The following CRTC3 variants were observed in gnomAD, a reference collection of about 807,000 sequenced individuals.
CRTC3 encodes the protein CREB regulated transcription coactivator 3, also known as CREB-regulated transcription coactivator 3.
A neutral mutation model predicts 74.5 loss-of-function variants in CRTC3; 26 were observed. The observed-to-expected ratio is 0.35, with a 90% CI of 0.26 to 0.48. CRTC3 has a LOEUF of 0.48. Ranked by LOEUF, CRTC3 falls within the 20% of genes least tolerant of loss-of-function variation. CRTC3 has a pLI of 0.99. For synonymous variants in CRTC3, 377 were observed against 325.8 expected (o/e 1.16, Z -1.69); for missense variants, 760 against 787.3 (o/e 0.97, Z 0.41).
intron 1 of CRTC3, chr15:90,539,656 G>A (rs1966772374): frequency 1.6e-5 from 4 of 250,534 alleles, no homozygotes; most frequent in African/African-American, 7.1e-5. Flanking sequence ...AAATGTAAAC[G>A]GAGGCTGGAA....
intron 11 of CRTC3, among the ~76,000 whole-genome samples, chr15:90,634,402 C>T (rs11073942): frequency 0.27 from 41,677 of 152,160 alleles, 7,182 homozygotes; most frequent in African/African-American, 0.5. Context: ...CGTGAGCCAG[C>T]ACGCCAGCCT....
intron 9 of CRTC3, among the ~76,000 whole-genome samples, chr15:90,622,973 T>G (rs1968704265): frequency 6.6e-6 from 1 of 152,142 alleles, no homozygotes; most frequent in Non-Finnish European, 1.5e-5. Context: ...TTTCCAAAAC[T>G]CCACAGTTCG....
At chr15:90,628,312 A>C (rs1383420455) in intron 10 of CRTC3, among the ~76,000 whole-genome samples, 1 of 152,086 alleles carries the variant, frequency 6.6e-6, no homozygotes, top group African/African-American at 2.4e-5. Flanking sequence ...CAAACACTTA[A>C]ATTTTTTGTC....
rs75873038 is a variant in CRTC3 at position 90,560,627 on chromosome 15, C to T, written c.231+20490C>T. On this transcript the variant is annotated intron_variant, in intron 2 of 14. Transcript: ENST00000268184. The stretch of plus-strand genomic sequence containing the variant: ...AAAACCTGGCAGGCTCTTCTGAAAT[C>T]GTGTGACTTCCTATCAGGCCACCAG... Among the ~76,000 whole-genome samples, 369 of 152,324 alleles carry T rather than the reference C, an allele frequency of 2.4e-3. 1 individual carries two copies. Among genetic ancestry groups the T allele is most frequent in the African/African-American group, 8.4e-3 (349 of 41,578 alleles).
chr15:90,634,594 T>C (rs1047802668), intron 11 of CRTC3: 8 of 441,080 alleles, frequency 1.8e-5, no homozygotes, highest in African/African-American at 9.8e-5. Flanking sequence ...CCTCTGACTT[T>C]CACGGCAGAT....
intron 2 of CRTC3, among the ~76,000 whole-genome samples, chr15:90,583,212 TA>T (rs2151074074): frequency 6.6e-6 from 1 of 152,312 alleles, no homozygotes; most frequent in East Asian, 1.9e-4. Context: ...ATTTTGACTT[TA>T]CCTGCTAAAA....
chr15:90,599,369 G>C (rs1968011887), intron 3 of CRTC3: 1 of 152,224 alleles, frequency 6.6e-6, no homozygotes. Context: ...TGCCAGAAAT[G>C]TTTCTTGAGT....
In CRTC3 at chr15:90,560,449, G is replaced by C. The variant is rs137970216; in HGVS notation, c.231+20312G>C. Among the ~76,000 whole-genome samples, 7 of 152,318 alleles carry C rather than the reference G, an allele frequency of 4.6e-5. 1 individual carries two copies. The South Asian group carries it at 1.4e-3, about 32-fold the overall frequency. ...CTTAGCTCCAAGTTACCAGGCATCC[G>C]TTGTCTTCCCTGTGGGCAGAATTCG... On this transcript the variant is annotated intron_variant, in intron 2 of 14. Coordinates refer to ENST00000268184, the MANE Select transcript of CRTC3 (RefSeq NM_022769.5).
At chr15:90,567,712 A>AAATAAATAAATAAATC (rs1967158618) in intron 2 of CRTC3, among the ~76,000 whole-genome samples, 1 of 151,840 alleles carries the variant, frequency 6.6e-6, no homozygotes, top group Non-Finnish European at 1.5e-5. Context: ...ATAAATAAAT[A>AAATAAATAAATAAATC]AATAAAATAT....
intron 2 of CRTC3, among the ~76,000 whole-genome samples, chr15:90,548,698 G>A (rs903347754): frequency 6.6e-6 from 1 of 152,186 alleles, no homozygotes; most frequent in African/African-American, 2.4e-5. Context: ...TATGTGCTAT[G>A]TGCCAGACAC....
chr15:90,532,420 A>C (rs958365385), intron 1 of CRTC3, among the ~76,000 whole-genome samples: 1 of 152,212 alleles, frequency 6.6e-6, no homozygotes, highest in Non-Finnish European at 1.5e-5. Context: ...ACTGGGTGGC[A>C]GATATACTGA....
intron 2 of CRTC3, among the ~76,000 whole-genome samples, chr15:90,569,465 A>G (rs368818265): frequency 1.4e-5 from 2 of 147,618 alleles, no homozygotes; most frequent in Admixed American, 6.9e-5. Context: ...GATCACAGGC[A>G]TGCGCCACCA....
intron 3 of CRTC3, chr15:90,594,837 A>G (rs1416286653): frequency 1.3e-5 from 2 of 152,176 alleles, no homozygotes; most frequent in Non-Finnish European, 2.9e-5. Context: ...GCCACCTGCG[A>G]CCATTCGCAG....
intron 2 of CRTC3, among the ~76,000 whole-genome samples, chr15:90,577,404 A>G (rs1287696251): frequency 2.6e-5 from 4 of 152,240 alleles, no homozygotes; most frequent in African/African-American, 7.2e-5. Context: ...GTTCCCTGAC[A>G]GTTTTGACTT....
chr15:90,632,276 TTAATTTGTTTAA>T (rs1160886283), intron 11 of CRTC3, among the ~76,000 whole-genome samples: 2 of 152,032 alleles, frequency 1.3e-5, no homozygotes, highest in Non-Finnish European at 2.9e-5. Context: ...AGATGTGTTT[TTAATTTGTTTAA>T]TATTTAGATT....
chr15:90,535,234 A>G (rs1966699547), intron 1 of CRTC3, among the ~76,000 whole-genome samples: 2 of 152,036 alleles, frequency 1.3e-5, no homozygotes, highest in African/African-American at 2.4e-5. Context: ...AAGGAACTAC[A>G]CCATTTGAAA....
chr15:90,615,100 T>C (rs1968459123), intron 7 of CRTC3, among the ~76,000 whole-genome samples: 1 of 150,414 alleles, frequency 6.6e-6, no homozygotes, highest in Non-Finnish European at 1.5e-5. Context: ...ATTAATTAAT[T>C]GATCACTTAA....
At chr15:90,534,044 CTA>C (rs1280805664) in intron 1 of CRTC3, among the ~76,000 whole-genome samples, 1 of 152,106 alleles carries the variant, frequency 6.6e-6, no homozygotes, top group African/African-American at 2.4e-5. Context: ...AGGGGTTAAA[CTA>C]TGTGAGATTT....
intron 2 of CRTC3, among the ~76,000 whole-genome samples, chr15:90,564,205 G>A (rs927819495): frequency 1.1e-4 from 16 of 152,138 alleles, no homozygotes; most frequent in Admixed American, 8.5e-4. Context: ...CCAGCTCTCC[G>A]TCTGGCAGTG....
Sources: allele counts gnomAD v4.1 joint callset (sites outside exome capture counted in the v4.1 genomes callset), GRCh38; gene constraint gnomAD v4.1.1; transcripts MANE v1.5; gene names NCBI Gene and HGNC (gene_info 2026-07-23, HGNC 2026-07-21).